ANK2: variants seen among roughly 807,000 people sequenced by gnomAD.
ANK2 encodes ankyrin 2, also known as ankyrin-2.
In ANK2, 83 loss-of-function variants were observed where a neutral mutation model predicts 360.5. The ratio of observed to expected loss-of-function variants is 0.23; its 90% confidence interval spans 0.19 to 0.28. ANK2 has a LOEUF of 0.28. Among genes scored for constraint, ANK2 ranks in the 10% least tolerant of loss-of-function variants. ANK2 has a pLI of 1.00. For synonymous variants in ANK2, 1,740 were observed against 1,759.5 expected (o/e 0.99, Z 0.28); for missense variants, 4,201 against 4,795.7 (o/e 0.88, Z 3.66).
At position 113,098,861 on chromosome 4, in the gene ANK2, T is replaced by G. The variant is rs145238589; in HGVS notation, c.84+49049T>G. Among the ~76,000 whole-genome samples the G allele has an allele frequency of 6.9e-3, 1,046 of 152,012 alleles. 5 individuals are homozygous for G. The highest frequency in any genetic ancestry group is 0.024 in the African/African-American group (990 of 41,536). ...GCTGGTTCACCATTCAAAAGTCAAT[T>G]AAGGTAATTCATCACATCAACAGCC... On this transcript the variant is annotated intron_variant, in intron 1 of 45. Transcript: ENST00000357077.
intron 1 of ANK2, among the ~76,000 whole-genome samples, chr4:113,164,482 G>A (rs1053435540): frequency 6.6e-6 from 1 of 152,182 alleles, no homozygotes; most frequent in African/African-American, 2.4e-5. Context: ...ACTTTTTAGT[G>A]TGTGCAGCCC....
intron 24 of ANK2, among the ~76,000 whole-genome samples, chr4:113,315,896 C>CAAAAAAAAAAAAAAAA (rs70961811): frequency 2.0e-5 from 1 of 49,316 alleles, no homozygotes; most frequent in Non-Finnish European, 4.5e-5. Flanking sequence ...GACTCCGTCT[C>CAAAAAAAAAAAAAAAA]AAAAAAAAAA....
intron 1 of ANK2, among the ~76,000 whole-genome samples, chr4:113,160,715 G>A (rs988569769): frequency 6.6e-6 from 1 of 152,162 alleles, no homozygotes; most frequent in Admixed American, 6.5e-5. Context: ...ACCTTGGAGG[G>A]CCAGGCCAAC....
At chr4:113,154,200 A>G (rs1321616335) in intron 1 of ANK2, among the ~76,000 whole-genome samples, 1 of 152,236 alleles carries the variant, frequency 6.6e-6, no homozygotes, top group African/African-American at 2.4e-5. Context: ...CTGTATCACC[A>G]TAAAGTTTTA....
intron 2 of ANK2, among the ~76,000 whole-genome samples, chr4:112,907,474 A>C (rs1185181419): frequency 6.6e-6 from 1 of 152,130 alleles, no homozygotes; most frequent in Non-Finnish European, 1.5e-5. Context: ...TGTGGAACCC[A>C]CCCACTTATC....
chr4:113,082,730 G>A (rs1368533936), intron 1 of ANK2, among the ~76,000 whole-genome samples: 1 of 152,128 alleles, frequency 6.6e-6, no homozygotes, highest in Non-Finnish European at 1.5e-5. Flanking sequence ...AGAAAACGTG[G>A]CTCAAATAGT....
At chr4:113,136,297 A>G (rs986706691) in intron 1 of ANK2, among the ~76,000 whole-genome samples, 3 of 152,194 alleles carry the variant, frequency 2.0e-5, no homozygotes. Context: ...GGCTTCCAAG[A>G]GGAGTCTTGC....
chr4:113,374,624 A>T, intron 45 of ANK2: 2 of 373,968 alleles, frequency 5.3e-6, no homozygotes, highest in Non-Finnish European at 7.8e-6. Context: ...TTTTTTTCTA[A>T]CTCTGCTTCC....
At chr4:113,339,032 A>G (rs2093941467) in intron 31 of ANK2, among the ~76,000 whole-genome samples, 194 bp from the exon 32 acceptor site, 1 of 152,060 alleles carries the variant, frequency 6.6e-6, no homozygotes, top group Non-Finnish European at 1.5e-5. Flanking sequence ...CCTAAAACTT[A>G]GTTTCTTGAG....
At chr4:113,077,008 GGAAA>G (rs1025092549) in intron 1 of ANK2, among the ~76,000 whole-genome samples, 1 of 144,070 alleles carries the variant, frequency 6.9e-6, no homozygotes. Context: ...AAGGAAGGAA[GGAAA>G]GAAGGAAGGA....
chr4:113,341,560 C>A, intron 32 of ANK2, 128 bp from the exon 33 acceptor site: 1 of 901,348 alleles, frequency 1.1e-6, no homozygotes, highest in Non-Finnish European at 1.8e-6. Flanking sequence ...CTCTCATTAT[C>A]TCCCTCTCTC....
At chr4:113,165,839 G>A (rs1324327526) in intron 1 of ANK2, among the ~76,000 whole-genome samples, 3 of 152,092 alleles carry the variant, frequency 2.0e-5, no homozygotes, top group African/African-American at 7.2e-5. Context: ...CCTTAGATAG[G>A]TGTGGTAAGT....
At chr4:112,760,951 T>C in the ANK2 span, among the ~76,000 whole-genome samples, 1 of 151,428 alleles carries the variant, frequency 6.6e-6, no homozygotes, top group Non-Finnish European at 1.5e-5. Context: ...GAATTACAGG[T>C]GTACGCCACC....
At chr4:113,304,550 A>G (rs1415586657) in intron 23 of ANK2, among the ~76,000 whole-genome samples, 1 of 152,200 alleles carries the variant, frequency 6.6e-6, no homozygotes, top group African/African-American at 2.4e-5. Flanking sequence ...AATGAACATT[A>G]TATAAATATT....
intron 27 of ANK2, among the ~76,000 whole-genome samples, chr4:113,331,638 CT>C (rs745972653): frequency 1.3e-5 from 2 of 152,194 alleles, no homozygotes; most frequent in African/African-American, 2.4e-5. Context: ...ATGAAAACAT[CT>C]GGCCTCTGTA....
At chr4:113,363,231 TACTC>T (rs766459134) in intron 39 of ANK2, 103 bp from the exon 40 acceptor site, 139 of 1,123,980 alleles carry the variant, frequency 1.2e-4, no homozygotes, top group Non-Finnish European at 1.8e-4. Flanking sequence ...GGAACTCAAA[TACTC>T]ACCACAATAT....
At chr4:112,837,297 G>A (rs2061194933) in intron 1 of ANK2, among the ~76,000 whole-genome samples, 1 of 152,260 alleles carries the variant, frequency 6.6e-6, no homozygotes, top group African/African-American at 2.4e-5. Flanking sequence ...GGCAAGTGTT[G>A]AGGTATGGGA....
At chr4:113,196,505 A>G (rs780461464) in intron 3 of ANK2, 39 bp downstream of exon 3, 1 of 1,510,454 alleles carries the variant, frequency 6.6e-7, no homozygotes, top group African/African-American at 1.4e-5. Flanking sequence ...TTCCTTAGAA[A>G]AGCGAAAATA....
chr4:113,212,118 CTG>C (rs1157613696), intron 4 of ANK2, among the ~76,000 whole-genome samples: 1 of 152,112 alleles, frequency 6.6e-6, no homozygotes, highest in Non-Finnish European at 1.5e-5. Flanking sequence ...ACAGAGGAAA[CTG>C]AGAGTTTAGG....
Sources: gnomAD v4.1 joint callset for allele counts (sites outside exome capture counted in the v4.1 genomes callset) on GRCh38, gnomAD v4.1.1 for gene constraint, MANE v1.5 for transcripts, NCBI Gene and HGNC (gene_info 2026-07-23, HGNC 2026-07-21) for gene names.